The following RIMS2 variants were observed in gnomAD, a reference collection of about 807,000 sequenced individuals.
The protein encoded by RIMS2 is regulating synaptic membrane exocytosis protein 2.
In RIMS2, 59 loss-of-function variants were observed where a neutral mutation model predicts 174.4. The ratio of observed to expected loss-of-function variants is 0.34; its 90% confidence interval spans 0.27 to 0.42. The LOEUF (loss-of-function observed/expected upper bound fraction) is 0.42, where lower values mean the gene tolerates loss of function less well. Ranked by LOEUF, RIMS2 falls within the 10% of genes least tolerant of loss-of-function variation. RIMS2 has a pLI of 1.00. For missense variants in RIMS2, 1,620 were observed against 1,666.3 expected (o/e 0.97, Z 0.48); for synonymous variants, 606 against 572.5 (o/e 1.06, Z -0.84).
intron 3 of RIMS2, among the ~76,000 whole-genome samples, chr8:103,870,360 A>G (rs2099104836): frequency 6.6e-6 from 1 of 151,678 alleles, no homozygotes; most frequent in Non-Finnish European, 1.5e-5. Flanking sequence ...CACCACCACC[A>G]CCATCACCAC....
At chr8:103,666,152 T>G (rs925949609) in intron 1 of RIMS2, among the ~76,000 whole-genome samples, 1 of 152,180 alleles carries the variant, frequency 6.6e-6, no homozygotes, top group Non-Finnish European at 1.5e-5. Flanking sequence ...AGGAAAATGA[T>G]GTACAGAAAA....
At chr8:103,530,806 A>G (rs551064045) in intron 1 of RIMS2, among the ~76,000 whole-genome samples, 97 of 152,024 alleles carry the variant, frequency 6.4e-4, no homozygotes, top group African/African-American at 2.2e-3. Flanking sequence ...AACAGACAAG[A>G]CAGATCTATG....
intron 3 of RIMS2, among the ~76,000 whole-genome samples, chr8:103,877,292 A>T (rs1335206589): frequency 6.6e-6 from 1 of 151,856 alleles, no homozygotes; most frequent in Non-Finnish European, 1.5e-5. Context: ...CATTTCCCTG[A>T]TCATTCATGA....
At chr8:104,206,298 T>G (rs2099079898) in intron 19 of RIMS2, among the ~76,000 whole-genome samples, 1 of 152,246 alleles carries the variant, frequency 6.6e-6, no homozygotes, top group African/African-American at 2.4e-5. Context: ...TTGCATGGTC[T>G]GAATTATAGT....
At chr8:103,627,039 A>G (rs888700206) in intron 1 of RIMS2, among the ~76,000 whole-genome samples, 1 of 152,196 alleles carries the variant, frequency 6.6e-6, no homozygotes, top group African/African-American at 2.4e-5. Flanking sequence ...TCCCAATCCT[A>G]CTAAGCCTGA....
At chr8:104,149,159 G>C (rs2098669289) in intron 19 of RIMS2, among the ~76,000 whole-genome samples, 1 of 152,074 alleles carries the variant, frequency 6.6e-6, no homozygotes, top group Non-Finnish European at 1.5e-5. Context: ...TCTGAAATGG[G>C]GGATATTTGC....
intron 19 of RIMS2, among the ~76,000 whole-genome samples, chr8:104,054,871 A>G (rs1380484130): frequency 2.0e-5 from 3 of 152,176 alleles, no homozygotes; most frequent in Non-Finnish European, 1.5e-5. Flanking sequence ...TAGCATAAAG[A>G]AAATGTAAAT....
chr8:103,518,242 G>A (rs1829968631), intron 1 of RIMS2, among the ~76,000 whole-genome samples: 1 of 151,834 alleles, frequency 6.6e-6, no homozygotes, highest in African/African-American at 2.4e-5. Context: ...TAGAATGACT[G>A]TATAAATAAT....
chr8:103,738,966 T>C (rs1366835166), intron 2 of RIMS2, among the ~76,000 whole-genome samples: 1 of 152,182 alleles, frequency 6.6e-6, no homozygotes, highest in Non-Finnish European at 1.5e-5. Flanking sequence ...TGGAAGACAG[T>C]GTGGCGATTC....
At chr8:103,904,712 A>G (rs974218662) in intron 4 of RIMS2, among the ~76,000 whole-genome samples, 1 of 151,956 alleles carries the variant, frequency 6.6e-6, no homozygotes, top group African/African-American at 2.4e-5. Context: ...AAGGATTTCT[A>G]TGTTTATAAT....
chr8:103,949,987 T>C (rs184226650), intron 14 of RIMS2, among the ~76,000 whole-genome samples: 1 of 152,102 alleles, frequency 6.6e-6, no homozygotes. Flanking sequence ...TAAGGGAAAA[T>C]TGTGAACAAC....
chr8:103,833,866 C>T (rs2098841246), intron 3 of RIMS2, among the ~76,000 whole-genome samples: 1 of 152,006 alleles, frequency 6.6e-6, no homozygotes. Flanking sequence ...TGCTTTTTCT[C>T]TTGAGTATGG....
chr8:103,685,787 A>T (rs913263278), intron 1 of RIMS2, among the ~76,000 whole-genome samples: 19 of 152,062 alleles, frequency 1.2e-4, no homozygotes, highest in Non-Finnish European at 2.4e-4. Context: ...CTTCTTTTTT[A>T]AAAAATATTT....
At chr8:104,158,248 T>C (rs568766740) in intron 19 of RIMS2, among the ~76,000 whole-genome samples, 1 of 152,366 alleles carries the variant, frequency 6.6e-6, no homozygotes, top group African/African-American at 2.4e-5. Context: ...TATGGCTGCA[T>C]AGTATTCTGT....
intron 19 of RIMS2, among the ~76,000 whole-genome samples, chr8:104,188,069 A>G (rs1240243065): frequency 2.6e-5 from 4 of 151,748 alleles, no homozygotes; most frequent in Non-Finnish European, 4.4e-5. Context: ...AATAGTATTT[A>G]TAGTATGAGA....
At chr8:103,848,462 C>T (rs148080181) in intron 3 of RIMS2, among the ~76,000 whole-genome samples, 51 of 152,064 alleles carry the variant, frequency 3.4e-4, no homozygotes, top group African/African-American at 1.2e-3. Context: ...AACCCTAGGC[C>T]CAGATCAGCT....
At chr8:103,662,461 G>C (rs1433841730) in intron 1 of RIMS2, among the ~76,000 whole-genome samples, 5 of 152,084 alleles carry the variant, frequency 3.3e-5, no homozygotes, top group African/African-American at 1.2e-4. Flanking sequence ...GGCAACAGTG[G>C]ATAAAAGTGT....
At chr8:103,603,570 C>T (rs1399197548) in intron 1 of RIMS2, among the ~76,000 whole-genome samples, 1 of 152,112 alleles carries the variant, frequency 6.6e-6, no homozygotes, top group East Asian at 1.9e-4. Flanking sequence ...GATGAATCGC[C>T]ACATTGACTT....
intron 19 of RIMS2, among the ~76,000 whole-genome samples, chr8:104,189,848 G>T (rs2098988737): frequency 6.6e-6 from 1 of 151,860 alleles, no homozygotes; most frequent in Admixed American, 6.6e-5. Flanking sequence ...TTGCTTCAGA[G>T]ATCAAAATAG....
Sources: allele counts gnomAD v4.1 joint callset (sites outside exome capture counted in the v4.1 genomes callset), GRCh38; gene constraint gnomAD v4.1.1; transcripts MANE v1.5; gene names NCBI Gene and HGNC (gene_info 2026-07-23, HGNC 2026-07-21).